Variants in QTMAN observed in about 807,000 individuals in gnomAD.
QTMAN encodes the protein tRNA-queuosine alpha-mannosyltransferase.
the QTMAN span, among the ~76,000 whole-genome samples, chr2:143,948,870 G>A: frequency 6.6e-6 from 1 of 151,984 alleles, no homozygotes; most frequent in Non-Finnish European, 1.5e-5. Context: ...AGGAGTCATC[G>A]AAGAGCTCCC....
At chr2:144,118,504 C>T in the QTMAN span, among the ~76,000 whole-genome samples, 3 of 152,048 alleles carry the variant, frequency 2.0e-5, no homozygotes, top group Non-Finnish European at 1.5e-5. Context: ...CGGCTGTAAA[C>T]AAACATTCAT....
At chr2:144,118,069 A>G in the QTMAN span, among the ~76,000 whole-genome samples, 1 of 152,084 alleles carries the variant, frequency 6.6e-6, no homozygotes, top group African/African-American at 2.4e-5. Flanking sequence ...GATGGTCTCA[A>G]TCTCCTGACC....
At chr2:144,042,226 G>A in the QTMAN span, among the ~76,000 whole-genome samples, 1 of 152,072 alleles carries the variant, frequency 6.6e-6, no homozygotes, top group African/African-American at 2.4e-5. Flanking sequence ...GCTGCATTTA[G>A]GCACAGAAAC....
At chr2:144,061,315 C>T in the QTMAN span, among the ~76,000 whole-genome samples, 2 of 152,120 alleles carry the variant, frequency 1.3e-5, no homozygotes, top group African/African-American at 4.8e-5. Context: ...TTTGACTGAA[C>T]ATTCACTGTG....
the QTMAN span, among the ~76,000 whole-genome samples, chr2:144,223,061 G>A: frequency 2.0e-5 from 3 of 152,118 alleles, no homozygotes; most frequent in Non-Finnish European, 2.9e-5. Flanking sequence ...GAATCTCCAA[G>A]CTCTAGTACT....
the QTMAN span, among the ~76,000 whole-genome samples, chr2:144,079,634 A>T: frequency 2.0e-5 from 3 of 152,040 alleles, no homozygotes; most frequent in Admixed American, 6.6e-5. Flanking sequence ...CTTTCCATTA[A>T]AGACAGCCTT....
the QTMAN span, among the ~76,000 whole-genome samples, chr2:144,042,016 C>T: frequency 2.6e-5 from 4 of 152,176 alleles, no homozygotes; most frequent in African/African-American, 9.7e-5. Flanking sequence ...GAAGGTCCCA[C>T]AGGCCCTGAT....
chr2:144,120,569 T>C, the QTMAN span, among the ~76,000 whole-genome samples: 1 of 152,234 alleles, frequency 6.6e-6, no homozygotes, highest in Non-Finnish European at 1.5e-5. Context: ...AAAGCTATGA[T>C]GACAGTTATG....
chr2:144,309,730 A>G, the QTMAN span, among the ~76,000 whole-genome samples: 1 of 152,230 alleles, frequency 6.6e-6, no homozygotes, highest in Non-Finnish European at 1.5e-5. Context: ...CATTTAAAAT[A>G]AGCACATTTT....
chr2:144,129,109 A>G, the QTMAN span, among the ~76,000 whole-genome samples: 1 of 151,910 alleles, frequency 6.6e-6, no homozygotes, highest in Non-Finnish European at 1.5e-5. Flanking sequence ...TTATAAAATA[A>G]GTTTTGATAT....
At chr2:143,990,962 T>A in the QTMAN span, among the ~76,000 whole-genome samples, 1 of 151,852 alleles carries the variant, frequency 6.6e-6, no homozygotes, top group Non-Finnish European at 1.5e-5. Flanking sequence ...TTGAGAAATT[T>A]AAAAAAATCA....
chr2:144,265,808 T>C, the QTMAN span, among the ~76,000 whole-genome samples: 1 of 152,214 alleles, frequency 6.6e-6, no homozygotes, highest in South Asian at 2.1e-4. Context: ...CTTACTCACA[T>C]CTTCCTCAGT....
At chr2:144,077,647 C>G in the QTMAN span, among the ~76,000 whole-genome samples, 1 of 152,132 alleles carries the variant, frequency 6.6e-6, no homozygotes, top group Non-Finnish European at 1.5e-5. Flanking sequence ...TTGTGTCTAT[C>G]TACACAAATA....
At chr2:144,079,342 T>A in the QTMAN span, among the ~76,000 whole-genome samples, 2 of 152,094 alleles carry the variant, frequency 1.3e-5, no homozygotes, top group Non-Finnish European at 2.9e-5. Context: ...TCAACAGCAA[T>A]TTTACTGATG....
At chr2:144,216,489 T>A in the QTMAN span, among the ~76,000 whole-genome samples, 7 of 152,200 alleles carry the variant, frequency 4.6e-5, no homozygotes, top group African/African-American at 1.7e-4. Context: ...TAACACAGGT[T>A]CTCAGCAACA....
At chr2:144,073,033 T>C in the QTMAN span, among the ~76,000 whole-genome samples, 6 of 152,064 alleles carry the variant, frequency 3.9e-5, no homozygotes, top group Admixed American at 3.9e-4. Context: ...CTGATTTCCC[T>C]GGGTGAGGTC....
the QTMAN span, among the ~76,000 whole-genome samples, chr2:144,142,787 T>C: frequency 6.6e-6 from 1 of 151,980 alleles, no homozygotes; most frequent in Non-Finnish European, 1.5e-5. Context: ...ATATAAATTA[T>C]AAAGCGCCGC....
chr2:144,106,486 A>G, the QTMAN span, among the ~76,000 whole-genome samples: 2 of 152,234 alleles, frequency 1.3e-5, no homozygotes, highest in Admixed American at 6.5e-5. Context: ...CTTTAAACCT[A>G]CAAAGATCAA....
the QTMAN span, among the ~76,000 whole-genome samples, chr2:143,994,433 T>C: frequency 3.3e-5 from 5 of 152,180 alleles, no homozygotes; most frequent in Non-Finnish European, 5.9e-5. Context: ...TAAAGACTTA[T>C]ATGCAAATGT....
Sources: allele counts gnomAD v4.1 joint callset (sites outside exome capture counted in the v4.1 genomes callset), GRCh38; gene constraint gnomAD v4.1.1; transcripts MANE v1.5; gene names NCBI Gene and HGNC (gene_info 2026-07-23, HGNC 2026-07-21).